Variants in FAM169A observed in about 807,000 individuals in gnomAD.
FAM169A encodes family with sequence similarity 169 member A.
FAM169A carries 24 observed loss-of-function variants against 75.7 expected under a neutral mutation model. That is an observed-to-expected ratio of 0.32 (90% CI 0.23 to 0.45). The LOEUF is 0.45. FAM169A is among the 20% of genes least tolerant of loss of function. The pLI is 1.00. For missense variants in FAM169A, 673 were observed against 784.0 expected (o/e 0.86, Z 1.69); for synonymous variants, 271 against 271.0 (o/e 1.00, Z 0.00).
chr5:74,822,690 C>A (rs561543903), intron 5 of FAM169A, among the ~76,000 whole-genome samples: 2 of 152,266 alleles, frequency 1.3e-5, no homozygotes, highest in Middle Eastern at 6.8e-3. Context: ...TATTCTGGGG[C>A]CCACATAAAT....
At chr5:74,843,790 A>C (rs1749006968) in intron 1 of FAM169A, among the ~76,000 whole-genome samples, 1 of 152,198 alleles carries the variant, frequency 6.6e-6, no homozygotes, top group Non-Finnish European at 1.5e-5. Flanking sequence ...GGCTATTTCC[A>C]ATATTTGGCA....
chr5:74,810,622 C>G (rs2112564028), intron 6 of FAM169A, among the ~76,000 whole-genome samples: 1 of 151,482 alleles, frequency 6.6e-6, no homozygotes. Context: ...TGGTGGCGGG[C>G]ACCTGTAGTC....
intron 12 of FAM169A, among the ~76,000 whole-genome samples, chr5:74,782,679 C>T (rs1007680568): frequency 2.6e-5 from 4 of 152,142 alleles, no homozygotes; most frequent in Admixed American, 2.0e-4. Flanking sequence ...ATTTTCTAAG[C>T]ATTTCCTAAC....
intron 6 of FAM169A, among the ~76,000 whole-genome samples, chr5:74,809,703 ATG>A (rs1433692089): frequency 3.3e-5 from 5 of 152,226 alleles, no homozygotes; most frequent in Non-Finnish European, 2.9e-5. Flanking sequence ...TTTAGGGTAG[ATG>A]ATTATCCAGT....
chr5:74,847,192 C>A (rs191247891), intron 1 of FAM169A, among the ~76,000 whole-genome samples: 449 of 152,156 alleles, frequency 3.0e-3, no homozygotes, highest in Non-Finnish European at 4.9e-3. Context: ...TATACAGTTC[C>A]GTATACTCAC....
At chr5:74,848,508 A>G (rs1327338135) in intron 1 of FAM169A, 2 of 152,164 alleles carry the variant, frequency 1.3e-5, no homozygotes, top group African/African-American at 4.8e-5. Flanking sequence ...TATAACGATT[A>G]TATTATTAAA....
rs763145750 is a variant in FAM169A, at chr5:74,782,911, A to T, written c.1464+20T>A. 1.9e-5 allele frequency: 30 copies of T among 1,581,846 alleles called. No individual in the cohort carries two copies. Among genetic ancestry groups the T allele is most frequent in the African/African-American group, 2.7e-5 (2 of 73,822 alleles). The stretch of plus-strand genomic sequence containing the variant: ...CAACATTGGTAAACTTTATTAAAAA[A>T]TAGCTCATTGCCCCCTTACCTTATC... On this transcript the variant is annotated intron_variant, in intron 12 of 12. Transcript: ENST00000687041.
chr5:74,855,431 C>T (rs1019406694), intron 1 of FAM169A, among the ~76,000 whole-genome samples: 12 of 152,122 alleles, frequency 7.9e-5, no homozygotes, highest in Non-Finnish European at 1.6e-4. Flanking sequence ...TTCCTGAGCT[C>T]GAGCAATCTG....
At chr5:74,864,731 A>G (rs1179136830) in intron 1 of FAM169A, among the ~76,000 whole-genome samples, 2 of 152,224 alleles carry the variant, frequency 1.3e-5, no homozygotes, top group East Asian at 3.8e-4. Flanking sequence ...AACTTAGAGA[A>G]AAGTCCACTA....
intron 10 of FAM169A, among the ~76,000 whole-genome samples, chr5:74,796,576 T>C (rs1295096431): frequency 1.3e-5 from 2 of 152,180 alleles, no homozygotes; most frequent in African/African-American, 4.8e-5. Context: ...AGCTAATTTT[T>C]TGTATTTTTA....
chr5:74,834,515 A>G lies in FAM169A; in HGVS notation c.401T>C (p.Ile134Thr), dbSNP rs528471860. The G allele has an allele frequency of 6.2e-7, 1 of 1,604,764 alleles. No individual in the cohort carries two copies. The highest frequency in any genetic ancestry group is 2.2e-5 in the East Asian group (1 of 44,548). The change falls in exon 5 of 13, where the codon ATC (isoleucine) becomes ACC (threonine). Residue 134 changes from isoleucine to threonine, a missense_variant. Physicochemically the swap from Ile to Thr is moderately conservative, Grantham distance 89 (BLOSUM62 -1). Coordinates refer to ENST00000687041, the MANE Select transcript of FAM169A (RefSeq NM_001376049.1). ...AGTACTGCTATGACACAGGAATGGG[A>G]TCTCATTTCTCTCCATTTCCTGTTT... Reference protein sequence around the residue: ...YRKQEMERNEIPFLCHSSTDY... With the variant: ...YRKQEMERNETPFLCHSSTDY...
At chr5:74,821,383 T>A (rs183298202) in intron 5 of FAM169A, among the ~76,000 whole-genome samples, 1 of 152,364 alleles carries the variant, frequency 6.6e-6, no homozygotes, top group East Asian at 1.9e-4. Flanking sequence ...CTTCTTCTCA[T>A]AGAATCACCA....
Position 74,857,569 on chromosome 5 carries a change from CG to C in FAM169A, c.-4+8595del, listed in dbSNP as rs199744612. On this transcript the variant is annotated intron_variant, in intron 1 of 12. Coordinates refer to ENST00000687041, the MANE Select transcript of FAM169A (RefSeq NM_001376049.1). ...TGGGTGACAGAGCCAGACCTTGCCG[CG>C]GGAAAAAAAAAAAAAAAAAAAAAAA... Among the ~76,000 whole-genome samples the C allele has an allele frequency of 6.3e-3, 357 of 56,358 alleles. 20 individuals carry two copies. The highest frequency in any genetic ancestry group is 0.025 in the African/African-American group (302 of 11,898). 37.0% of individuals were successfully genotyped at this position (56,358 alleles called of 152,430 possible). A position where few individuals can be genotyped will look rare whatever the true frequency, so the allele number is the denominator to read the frequency against.
intron 10 of FAM169A, chr5:74,799,177 C>A: frequency 8.7e-7 from 1 of 1,149,426 alleles, no homozygotes; most frequent in Non-Finnish European, 1.3e-6. Flanking sequence ...TGACTGGGCT[C>A]CCAAGCATGA....
intron 4 of FAM169A, among the ~76,000 whole-genome samples, chr5:74,834,801 A>G (rs986508958): frequency 6.6e-6 from 1 of 152,112 alleles, no homozygotes; most frequent in Non-Finnish European, 1.5e-5. Context: ...ACACACACAT[A>G]TTATGCATAG....
At chr5:74,806,457 T>C (rs1423495827) in intron 6 of FAM169A, among the ~76,000 whole-genome samples, 2 of 151,276 alleles carry the variant, frequency 1.3e-5, no homozygotes, top group African/African-American at 4.9e-5. Flanking sequence ...CATAGGAGAA[T>C]ACCTCTAGGA....
At chr5:74,802,625 GTATAT>G (rs561704754) in intron 8 of FAM169A, among the ~76,000 whole-genome samples, 1 of 151,996 alleles carries the variant, frequency 6.6e-6, no homozygotes, top group Non-Finnish European at 1.5e-5. Context: ...TTATGCTATA[GTATAT>G]TATATATTTC....
At chr5:74,842,028 T>C (rs558228959) in intron 1 of FAM169A, among the ~76,000 whole-genome samples, 30 of 151,706 alleles carry the variant, frequency 2.0e-4, no homozygotes, top group African/African-American at 6.5e-4. Context: ...TAAAAGTCAC[T>C]GTAAAAGGAC....
Position 74,816,714 on chromosome 5 carries a change from A to G in FAM169A, c.491-2695T>C, listed in dbSNP as rs576263047. ...TTTACCTAGTAAAGCAAAAACTATAACCTGCTGTCTTAGGTAAAGTTTTCA... is the reference window on the plus strand; with the variant it reads ...TTTACCTAGTAAAGCAAAAACTATAGCCTGCTGTCTTAGGTAAAGTTTTCA... On this transcript the variant is annotated intron_variant, in intron 5 of 12. Transcript: ENST00000687041. Among the ~76,000 whole-genome samples, 8 of 152,314 alleles carry G rather than the reference A, an allele frequency of 5.3e-5. No individual in the cohort carries two copies. In the East Asian group the frequency reaches 1.3e-3, roughly 26 times the overall value.
Sources: gnomAD v4.1 joint callset for allele counts (sites outside exome capture counted in the v4.1 genomes callset) on GRCh38, gnomAD v4.1.1 for gene constraint, MANE v1.5 for transcripts, NCBI Gene and HGNC (gene_info 2026-07-23, HGNC 2026-07-21) for gene names.